Variants in USP32 observed in about 807,000 individuals in gnomAD.
USP32 encodes the protein ubiquitin carboxyl-terminal hydrolase 32.
USP32 carries 59 observed loss-of-function variants against 204.8 expected under a neutral mutation model. That is an observed-to-expected ratio of 0.29 (90% confidence interval 0.23 to 0.36). USP32 has a LOEUF of 0.36. Among genes scored for constraint, USP32 ranks in the 10% least tolerant of loss-of-function variants. The pLI is 1.00. For missense variants in USP32, 1,160 were observed against 1,946.4 expected (o/e 0.60, Z 7.60); for synonymous variants, 517 against 678.4 (o/e 0.76, Z 3.70).
chr17:60,278,063 C>T (rs899811232), intron 5 of USP32, among the ~76,000 whole-genome samples: 6 of 151,974 alleles, frequency 3.9e-5, no homozygotes, highest in South Asian at 4.2e-4. Flanking sequence ...TGTGCTACCA[C>T]ATCCAGCTAA....
In USP32 at chr17:60,265,395, G is replaced by A. The variant is rs373268706; in HGVS notation, c.990+17C>T. Reference sequence around the variant, plus strand: ...GATATTTTTAGAAAAAGATAAATTAGTTCTATCTAGACTCACCTTTGTGGT... The same window carrying A: ...GATATTTTTAGAAAAAGATAAATTAATTCTATCTAGACTCACCTTTGTGGT... On this transcript the variant is annotated intron_variant, in intron 9 of 33. Transcript: ENST00000300896. The A allele has an allele frequency of 3.4e-5, 53 of 1,544,654 alleles. No individual in the cohort carries two copies. The African/African-American group carries it at 6.3e-4, about 18-fold the overall frequency.
At chr17:60,263,946 C>A (rs1294014679) in intron 9 of USP32, among the ~76,000 whole-genome samples, 2 of 150,802 alleles carry the variant, frequency 1.3e-5, no homozygotes, top group African/African-American at 4.9e-5. Context: ...TACCAATCTG[C>A]GACTTGGTAC....
chr17:60,321,645 TG>T (rs918387209), intron 2 of USP32, among the ~76,000 whole-genome samples: 1 of 152,072 alleles, frequency 6.6e-6, no homozygotes, highest in Non-Finnish European at 1.5e-5. Context: ...TTGAAATGAA[TG>T]GAAACACAAC....
chr17:60,333,898 A>G (rs535498524), intron 2 of USP32, among the ~76,000 whole-genome samples: 1 of 152,164 alleles, frequency 6.6e-6, no homozygotes, highest in Admixed American at 6.5e-5. Context: ...AAACAATTCA[A>G]TTTTTTCCTA....
chr17:60,254,346 A>G (rs961671605), intron 10 of USP32, among the ~76,000 whole-genome samples: 2 of 152,160 alleles, frequency 1.3e-5, no homozygotes, highest in Non-Finnish European at 2.9e-5. Context: ...CTTCTAAAGA[A>G]TAAAAATTAG....
chr17:60,219,241 T>C (rs559222216), intron 16 of USP32, among the ~76,000 whole-genome samples: 8 of 152,308 alleles, frequency 5.3e-5, no homozygotes, highest in African/African-American at 1.7e-4. Context: ...ATAAGAGGAA[T>C]TGCTTTTTAC....
At chr17:60,289,614 T>A (rs980673368) in intron 4 of USP32, among the ~76,000 whole-genome samples, 1 of 152,114 alleles carries the variant, frequency 6.6e-6, no homozygotes, top group African/African-American at 2.4e-5. Flanking sequence ...GAGAAAAGTA[T>A]CCAGGCTGAA....
chr17:60,331,544 CACCAGAGT>C (rs1348177888), intron 2 of USP32, among the ~76,000 whole-genome samples: 2 of 148,970 alleles, frequency 1.3e-5, no homozygotes, highest in Non-Finnish European at 3.0e-5. Context: ...CCAGCCTGGC[CACCAGAGT>C]AAGACCCCAT....
At chr17:60,379,369 T>G (rs928023703) in intron 1 of USP32, among the ~76,000 whole-genome samples, 9 of 152,272 alleles carry the variant, frequency 5.9e-5, no homozygotes, top group African/African-American at 2.2e-4. Context: ...TTGACTTCAC[T>G]GACATAGGGA....
At chr17:60,342,814 C>G (rs2088691206) in intron 2 of USP32, among the ~76,000 whole-genome samples, 1 of 152,228 alleles carries the variant, frequency 6.6e-6, no homozygotes. Context: ...TCCCGTTTTT[C>G]TAGTTACAGT....
At chr17:60,214,342 C>T (rs1407524908) in intron 17 of USP32, among the ~76,000 whole-genome samples, 2 of 151,976 alleles carry the variant, frequency 1.3e-5, no homozygotes, top group African/African-American at 4.8e-5. Flanking sequence ...TGATCAATTG[C>T]TATTATGGAT....
chr17:60,372,415 T>C (rs182570148), intron 1 of USP32, among the ~76,000 whole-genome samples: 29 of 152,304 alleles, frequency 1.9e-4, no homozygotes, highest in Admixed American at 6.5e-4. Flanking sequence ...GATGGCCTAT[T>C]ACTCCTAGGC....
intron 1 of USP32, chr17:60,421,449 C>CA: frequency 1.0e-6 from 1 of 985,654 alleles, no homozygotes; most frequent in East Asian, 1.1e-4. Flanking sequence ...ACGGCGGTCC[C>CA]ACCGCACTGT....
At chr17:60,411,402 C>T (rs1322755391) in intron 1 of USP32, among the ~76,000 whole-genome samples, 2 of 149,962 alleles carry the variant, frequency 1.3e-5, no homozygotes, top group African/African-American at 4.9e-5. Context: ...GTCCCAGCTA[C>T]TCAGGAGGCT....
At chr17:60,208,589 T>C (rs2458356) in intron 23 of USP32, 65 bp downstream of exon 23, 3 of 1,451,116 alleles carry the variant, frequency 2.1e-6, no homozygotes, top group East Asian at 2.5e-5. Flanking sequence ...TGCTTACAAA[T>C]TCAGGCTATT....
intron 9 of USP32, 23 bp from the exon 10 acceptor site, chr17:60,255,281 A>G: frequency 7.1e-7 from 1 of 1,411,278 alleles, no homozygotes; most frequent in Non-Finnish European, 9.8e-7. Context: ...CACTCATGTT[A>G]GGAACATCTT....
chr17:60,353,004 G>A (rs1323899083), intron 1 of USP32, among the ~76,000 whole-genome samples: 1 of 152,222 alleles, frequency 6.6e-6, no homozygotes, highest in East Asian at 1.9e-4. Context: ...GGGAGAATTT[G>A]AATATATTAC....
intron 2 of USP32, among the ~76,000 whole-genome samples, chr17:60,329,480 A>T (rs375810780): frequency 0.048 from 6,903 of 144,980 alleles, 222 homozygotes; most frequent in Non-Finnish European, 0.076. Context: ...GTTTTTATTT[A>T]TTTTTTTTTT....
At chr17:60,237,348 T>C (rs1315215753) in intron 11 of USP32, among the ~76,000 whole-genome samples, 1 of 151,148 alleles carries the variant, frequency 6.6e-6, no homozygotes, top group Non-Finnish European at 1.5e-5. Context: ...GGTCTCACTA[T>C]GTCACCCAGG....
Sources: gnomAD v4.1 joint callset for allele counts (sites outside exome capture counted in the v4.1 genomes callset) on GRCh38, gnomAD v4.1.1 for gene constraint, MANE v1.5 for transcripts, NCBI Gene and HGNC (gene_info 2026-07-23, HGNC 2026-07-21) for gene names.